Variants in DIAPH2 observed in about 807,000 individuals in gnomAD.
DIAPH2 encodes protein diaphanous homolog 2.
A neutral mutation model predicts 92.7 loss-of-function variants in DIAPH2; 35 were observed. That is an observed-to-expected ratio of 0.38 (90% CI 0.29 to 0.50). The LOEUF is 0.50. Among genes scored for constraint, DIAPH2 ranks in the 20% least tolerant of loss-of-function variants. The probability of loss-of-function intolerance (pLI) is 0.94; values close to 1 mark genes in which losing one functional copy is unlikely to be tolerated. For missense variants in DIAPH2, 701 were observed against 819.5 expected, an observed-to-expected ratio of 0.86 and a Z score of 1.77; for synonymous variants, 301 against 280.4, an observed-to-expected ratio of 1.07 and a Z score of -0.73.
At chrX:96,881,317 T>C (rs1464577034) in intron 4 of DIAPH2, among the ~76,000 whole-genome samples, 1 of 111,255 alleles carries the variant, frequency 9.0e-6, no homozygotes, top group Non-Finnish European at 1.9e-5. Context: ...AGCACCCCTG[T>C]CAATGACACT....
At chrX:97,382,178 T>C (rs1329013) in intron 24 of DIAPH2, among the ~76,000 whole-genome samples, 1,521 of 112,650 alleles carry the variant, frequency 0.014, 22 homozygotes, top group African/African-American at 0.047. Context: ...CATTGTTTTT[T>C]CCCTTTTGAG....
intron 26 of DIAPH2, among the ~76,000 whole-genome samples, chrX:97,512,203 C>T (rs1228880337): frequency 3.5e-5 from 4 of 113,458 alleles, no homozygotes; most frequent in Admixed American, 9.2e-5. Context: ...TATTGGTCTA[C>T]TCAGAGATTC....
chrX:97,064,989 A>G (rs1372621883), intron 17 of DIAPH2, among the ~76,000 whole-genome samples: 1 of 111,172 alleles, frequency 9.0e-6, no homozygotes, highest in Non-Finnish European at 1.9e-5. Context: ...GCTGAGATGG[A>G]CCATATCAAA....
chrX:97,469,159 A>G (rs1052045503), intron 26 of DIAPH2, among the ~76,000 whole-genome samples: 5 of 111,701 alleles, frequency 4.5e-5, no homozygotes, highest in Non-Finnish European at 7.5e-5. Context: ...TTTTCTTTCC[A>G]GGTGGCATCC....
At chrX:97,466,543 CTCT>C (rs1276175965) in intron 26 of DIAPH2, among the ~76,000 whole-genome samples, 1 of 111,762 alleles carries the variant, frequency 8.9e-6, no homozygotes, top group Non-Finnish European at 1.9e-5. Context: ...CAGTATACTT[CTCT>C]TCTTATGCTC....
intron 4 of DIAPH2, among the ~76,000 whole-genome samples, chrX:96,876,440 A>G (rs961936024): frequency 6.3e-5 from 7 of 111,577 alleles, no homozygotes; most frequent in Non-Finnish European, 9.4e-5. Flanking sequence ...AAATCATGCT[A>G]CTATAAAGAC....
At chrX:96,821,337 T>TC (rs779156607) in intron 4 of DIAPH2, among the ~76,000 whole-genome samples, 5 of 111,759 alleles carry the variant, frequency 4.5e-5, no homozygotes, top group Non-Finnish European at 9.4e-5. Flanking sequence ...CTCTTTTTTT[T>TC]CTCCTGGTGA....
At chrX:97,174,685 G>T (rs1417639975) in intron 22 of DIAPH2, among the ~76,000 whole-genome samples, 3 of 111,930 alleles carry the variant, frequency 2.7e-5, no homozygotes, top group Non-Finnish European at 3.8e-5. Flanking sequence ...AACTCTTGGG[G>T]TTAGATTTCT....
chrX:97,133,885 A>G (rs2067154075), intron 21 of DIAPH2, among the ~76,000 whole-genome samples: 1 of 112,198 alleles, frequency 8.9e-6, no homozygotes, highest in African/African-American at 3.2e-5. Context: ...GCAAGGCATT[A>G]GGTTATTTAG....
intron 22 of DIAPH2, among the ~76,000 whole-genome samples, chrX:97,201,045 TCTCCAGCAAA>T (rs1236594061): frequency 1.9e-5 from 2 of 107,845 alleles, no homozygotes; most frequent in African/African-American, 6.8e-5. Flanking sequence ...CTGGAGTGGA[TCTCCAGCAAA>T]CTCCAGCAGA....
Position 96,858,615 on chromosome X carries a change from T to C in DIAPH2, c.448-22964T>C, listed in dbSNP as rs766379905. On this transcript the variant is annotated intron_variant, in intron 4 of 26. Transcript: ENST00000324765. Reference sequence around the variant, plus strand: ...GGGAAAGGTTAGCATAATGCCAAGTTAGCTAGTGTTCAAGTCAGGTTCCTG... The same window carrying C: ...GGGAAAGGTTAGCATAATGCCAAGTCAGCTAGTGTTCAAGTCAGGTTCCTG... Among the ~76,000 whole-genome samples the C allele has an allele frequency of 3.6e-5, 4 of 111,960 alleles. No individual in the cohort carries two copies. In the South Asian group the frequency reaches 1.5e-3, roughly 42 times the overall value.
At chrX:96,995,988 C>T (rs758697938) in intron 17 of DIAPH2, among the ~76,000 whole-genome samples, 11 of 109,973 alleles carry the variant, frequency 1.0e-4, no homozygotes, top group Non-Finnish European at 2.1e-4. Flanking sequence ...AATTTGTTTC[C>T]ATTGTATTTA....
intron 22 of DIAPH2, among the ~76,000 whole-genome samples, chrX:97,221,127 CAA>C (rs35876323): frequency 9.3e-6 from 1 of 106,967 alleles, no homozygotes; most frequent in Non-Finnish European, 1.9e-5. Flanking sequence ...TTCCATTAAA[CAA>C]AAAAAAAACC....
intron 26 of DIAPH2, among the ~76,000 whole-genome samples, chrX:97,529,596 T>G (rs1237152050): frequency 8.9e-6 from 1 of 111,743 alleles, no homozygotes. Flanking sequence ...TGAATTATGT[T>G]AAGTGCTAAT....
chrX:96,800,938 C>T (rs1323448459), intron 4 of DIAPH2, among the ~76,000 whole-genome samples: 2 of 112,124 alleles, frequency 1.8e-5, no homozygotes, highest in Admixed American at 9.4e-5. Context: ...AACCAGTCTT[C>T]TGAGATAAAC....
At chrX:97,523,389 A>C (rs2071004011) in intron 26 of DIAPH2, among the ~76,000 whole-genome samples, 1 of 112,049 alleles carries the variant, frequency 8.9e-6, no homozygotes, top group Admixed American at 9.5e-5. Flanking sequence ...GATAATGACC[A>C]CGATTAAATG....
chrX:97,133,437 G>A, intron 21 of DIAPH2, among the ~76,000 whole-genome samples: 1 of 111,643 alleles, frequency 9.0e-6, no homozygotes, highest in Non-Finnish European at 1.9e-5. Context: ...ACAGGCATGT[G>A]CCACCACGCC....
chrX:97,412,782 G>A (rs2069891489), intron 25 of DIAPH2, among the ~76,000 whole-genome samples: 1 of 112,148 alleles, frequency 8.9e-6, no homozygotes, highest in African/African-American at 3.2e-5. Context: ...ACACCTCTAT[G>A]CAAATAAACT....
chrX:96,723,916 ATTTTTTTTTT>A (rs149595440), intron 1 of DIAPH2, among the ~76,000 whole-genome samples: 3 of 71,302 alleles, frequency 4.2e-5, no homozygotes, highest in Non-Finnish European at 7.6e-5. Flanking sequence ...TGATTCTATA[ATTTTTTTTTT>A]TTTTTTTTTT....
Sources: gnomAD v4.1 joint callset for allele counts (sites outside exome capture counted in the v4.1 genomes callset) on GRCh38, gnomAD v4.1.1 for gene constraint, MANE v1.5 for transcripts, NCBI Gene and HGNC (gene_info 2026-07-23, HGNC 2026-07-21) for gene names.